SYNE1: variants seen among roughly 807,000 people sequenced by gnomAD.
The protein encoded by SYNE1 is spectrin repeat containing nuclear envelope protein 1.
SYNE1 carries 616 observed loss-of-function variants against 1,111.0 expected under a neutral mutation model. The observed-to-expected ratio is 0.55, with a 90% CI of 0.52 to 0.59. SYNE1 has a LOEUF of 0.59. Among genes scored for constraint, SYNE1 ranks in the 20% least tolerant of loss-of-function variants. The probability of loss-of-function intolerance (pLI) is 0.00; values close to 1 mark genes in which losing one functional copy is unlikely to be tolerated. For synonymous variants in SYNE1, 3,855 were observed against 3,825.8 expected, an observed-to-expected ratio of 1.01 and a Z score of -0.28; for missense variants, 10,006 against 10,417.0, an observed-to-expected ratio of 0.96 and a Z score of 1.72.
chr6:152,201,729 T>A lies in SYNE1; in HGVS notation c.23145+95A>T. On this transcript the variant is annotated intron_variant, in intron 127 of 145. Transcript: ENST00000367255. ...CATATACTAGGATCTTGTATCTGCA[T>A]GTAGATAACCTAAGAGTTTGACTGG... The A allele has an allele frequency of 2.5e-6, 4 of 1,582,338 alleles. 1 individual carries two copies. In the South Asian group the frequency reaches 4.4e-5, roughly 18 times the overall value.
In SYNE1 at chr6:152,330,399, C is replaced by T; in HGVS notation, c.14286G>A (p.Leu4762=). ...TAACCCTCTGTTCTGTTTGTCGCTT[C>T]AGCCTGTGATATAAGGTGACAAGGT... is the stretch of plus-strand genomic sequence containing the variant. ...MLHLVTLYHR[L]KRQTEQRVSL... Residue 4762 remains leucine (L), a synonymous_variant, in exon 78 of 146, where the codon CTG becomes CTA. Coordinates refer to ENST00000367255, the MANE Select transcript of SYNE1 (RefSeq NM_182961.4). 2 of 1,614,150 alleles carry T rather than the reference C, an allele frequency of 1.2e-6. No individual in the cohort carries two copies. The highest frequency in any genetic ancestry group is 1.1e-5 in the South Asian group (1 of 91,086).
At position 152,294,061 on chromosome 6, in the gene SYNE1, T is replaced by C; in HGVS notation, c.17749A>G (p.Ser5917Gly). 1.2e-6 allele frequency: 2 copies of C among 1,613,996 alleles called. No individual in the cohort carries two copies. The highest frequency in any genetic ancestry group is 1.7e-6 in the Non-Finnish European group (2 of 1,180,016). The change falls in exon 94 of 146, where the codon AGC becomes GGC. Residue 5917 changes from serine (S) to glycine (G), a missense_variant. Ser to Gly is a moderately conservative substitution (Grantham distance 56). Transcript: ENST00000367255. ...TAGAACTCCTGGGATGCGGATGTGCTGGGGTGAATTTTTGCAGCATCTGTC... is the reference window on the plus strand; with the variant it reads ...TAGAACTCCTGGGATGCGGATGTGCCGGGGTGAATTTTTGCAGCATCTGTC... ...LQTDAAKIHP[S>G]TSASQEFYEP...
intron 14 of SYNE1, among the ~76,000 whole-genome samples, chr6:152,476,481 T>C (rs955760748): frequency 6.6e-6 from 1 of 152,158 alleles, no homozygotes; most frequent in Non-Finnish European, 1.5e-5. Context: ...GCACTCTAAC[T>C]GGATGATGGA....
At chr6:152,367,034 C>T (rs754913249) in intron 62 of SYNE1, 184 bp downstream of exon 62, 15 of 755,310 alleles carry the variant, frequency 2.0e-5, no homozygotes, top group African/African-American at 8.6e-5. Context: ...GGAAAACATC[C>T]GGGGTCAGAT....
In SYNE1 at chr6:152,290,052, A is replaced by AT. The variant is rs537042422; in HGVS notation, c.18012+3535dup. On this transcript the variant is annotated intron_variant, in intron 95 of 145. Coordinates refer to ENST00000367255, the MANE Select transcript of SYNE1 (RefSeq NM_182961.4). Reference sequence around the variant, plus strand: ...GATGAGAGACCACAGTTCTTCTCACATTCTATTTTAGTTGTTACATATATG... The same window carrying AT: ...GATGAGAGACCACAGTTCTTCTCACATTTCTATTTTAGTTGTTACATATATG... 1.9e-3 allele frequency among the ~76,000 whole-genome samples: 287 copies of AT among 151,870 alleles called. 2 individuals are homozygous for AT. The highest frequency in any genetic ancestry group is 6.7e-3 in the African/African-American group (278 of 41,410).
intron 42 of SYNE1, among the ~76,000 whole-genome samples, 175 bp downstream of exon 42, chr6:152,413,177 C>T (rs1157918390): frequency 1.3e-5 from 2 of 152,110 alleles, no homozygotes; most frequent in African/African-American, 2.4e-5. Context: ...AAGCAACCTT[C>T]TCAATAAAGT....
intron 9 of SYNE1, among the ~76,000 whole-genome samples, chr6:152,503,367 T>A (rs1165179167): frequency 6.6e-6 from 1 of 152,230 alleles, no homozygotes; most frequent in Non-Finnish European, 1.5e-5. Flanking sequence ...GGGAAACTCT[T>A]CGAGGGCCTG....
At chr6:152,626,770 A>G (rs1265113603) in intron 3 of SYNE1, among the ~76,000 whole-genome samples, 1 of 152,204 alleles carries the variant, frequency 6.6e-6, no homozygotes, top group Admixed American at 6.5e-5. Context: ...GAAGCTCTCA[A>G]TCAAGTTGGT....
chr6:152,159,554 T>G (rs1358744677), intron 131 of SYNE1, among the ~76,000 whole-genome samples: 1 of 152,200 alleles, frequency 6.6e-6, no homozygotes, highest in Non-Finnish European at 1.5e-5. Flanking sequence ...GTTCACCTGT[T>G]CAGGAGCAAC....
In SYNE1 at chr6:152,330,538, C is replaced by T. The variant is rs1346910826; in HGVS notation, c.14147G>A (p.Cys4716Tyr). Residue 4716 changes from cysteine to tyrosine, a missense_variant, in exon 78 of 146, where the codon TGC (cysteine) becomes TAC (tyrosine). Around this residue, in one of 7 missense-constraint regions of SYNE1, gnomAD observed 4,955 missense variants for 5,017.2 expected, o/e 0.99. Coordinates refer to ENST00000367255, the MANE Select transcript of SYNE1 (RefSeq NM_182961.4). The stretch of plus-strand genomic sequence containing the variant: ...CGCCACCTCGTCCAGAATGGCTCTG[C>T]AACCATCTTGCAGAGAAAGAGCCTC... ...VEEALSLQDG[C>Y]RAILDEVAGL... The T allele has an allele frequency of 2.5e-6, 4 of 1,614,108 alleles. No homozygotes were observed. Among genetic ancestry groups the T allele is most frequent in the Non-Finnish European group, 3.4e-6 (4 of 1,180,018 alleles).
chr6:152,367,661 A>C, intron 61 of SYNE1: 2 of 434,510 alleles, frequency 4.6e-6, no homozygotes, highest in Non-Finnish European at 8.5e-6. Flanking sequence ...TTTCTCCCTA[A>C]TGCCTTGTCT....
At chr6:152,447,425 ACTGT>A in intron 29 of SYNE1, 29 bp downstream of exon 29, 3 of 1,613,150 alleles carry the variant, frequency 1.9e-6, no homozygotes, top group Non-Finnish European at 2.5e-6. Flanking sequence ...CTCACTCAGA[ACTGT>A]CTGTTTAGAG....
chr6:152,303,852 C>A (rs957562768), intron 91 of SYNE1, among the ~76,000 whole-genome samples: 1 of 151,910 alleles, frequency 6.6e-6, no homozygotes, highest in African/African-American at 2.4e-5. Context: ...TTCATGGATG[C>A]AGAACTTATG....
intron 116 of SYNE1, among the ~76,000 whole-genome samples, chr6:152,224,920 T>G (rs2081123645): frequency 6.8e-6 from 1 of 147,476 alleles, no homozygotes; most frequent in Non-Finnish European, 1.5e-5. Context: ...TATATATGTA[T>G]ATATATACAT....
chr6:152,217,747 G>A (rs1008523230), intron 121 of SYNE1, among the ~76,000 whole-genome samples: 5 of 152,078 alleles, frequency 3.3e-5, no homozygotes, highest in African/African-American at 7.2e-5. Context: ...GTGGAAAGGA[G>A]GAGTGAGGTG....
At chr6:152,590,874 T>C (rs1046981728) in intron 3 of SYNE1, among the ~76,000 whole-genome samples, 30 of 152,198 alleles carry the variant, frequency 2.0e-4, no homozygotes, top group African/African-American at 7.2e-4. Context: ...TTGGGCTCTT[T>C]TTTGGTTCCA....
At position 152,369,458 on chromosome 6, in the gene SYNE1, G is replaced by T; in HGVS notation, c.9651+13C>A. On this transcript the variant is annotated intron_variant, in intron 60 of 145. Transcript: ENST00000367255. ...CTAGGTCAGATGGGGCTACGGGGAG[G>T]CGGGCTCATCACCTGGAGCTTCTGC... The T allele has an allele frequency of 6.2e-7, 1 of 1,614,128 alleles. No homozygotes were observed. The highest frequency in any genetic ancestry group is 8.5e-7 in the Non-Finnish European group (1 of 1,180,040).
Position 152,442,125 on chromosome 6 carries a change from T to C in SYNE1, c.3958A>G (p.Thr1320Ala). 2 of 1,614,078 alleles carry C rather than the reference T, an allele frequency of 1.2e-6. No homozygotes were observed. Among genetic ancestry groups the C allele is most frequent in the South Asian group, 1.1e-5 (1 of 91,086 alleles). ...CGGCTGCGCTCCAGGCCATCCAGTGTGCTCTCCAGCTTCCGCAGCTCCTCG... is the reference window on the plus strand; with the variant it reads ...CGGCTGCGCTCCAGGCCATCCAGTGCGCTCTCCAGCTTCCGCAGCTCCTCG... ...GHEELRKLESTLDGLERSRER... is the reference protein window; with the variant it reads ...GHEELRKLESALDGLERSRER... The change falls in exon 31 of 146, where the codon ACA becomes GCA. Residue 1320 changes from threonine to alanine, a missense_variant. Physicochemically the swap from Thr to Ala is moderately conservative, Grantham distance 58 (BLOSUM62 0). Around this residue, in one of 7 missense-constraint regions of SYNE1, gnomAD observed 1,971 missense variants for 2,084.1 expected, o/e 0.95. Coordinates refer to ENST00000367255, the MANE Select transcript of SYNE1 (RefSeq NM_182961.4).
At chr6:152,139,907 G>A (rs756938918) in intron 140 of SYNE1, 43 bp downstream of exon 140, 8 of 1,576,566 alleles carry the variant, frequency 5.1e-6, no homozygotes, top group Non-Finnish European at 6.9e-6. Flanking sequence ...TTCACGCGGT[G>A]GCTCTCTGTT....
Sources: allele counts gnomAD v4.1 joint callset (sites outside exome capture counted in the v4.1 genomes callset), GRCh38; gene constraint gnomAD v4.1.1; regional missense constraint gnomAD v4.1.1; transcripts MANE v1.5; gene names NCBI Gene and HGNC (gene_info 2026-07-23, HGNC 2026-07-21).